The following TMEM217 variants were observed in gnomAD, a reference collection of about 807,000 sequenced individuals.
TMEM217 encodes chromosome 6 open reading frame 128.
For missense variants in TMEM217, 204 were observed against 248.8 expected (o/e 0.82, Z 1.21); for synonymous variants, 76 against 88.3 (o/e 0.86, Z 0.78).
downstream of TMEM217, among the ~76,000 whole-genome samples, chr6:37,216,609 G>GGCA: frequency 6.6e-6 from 1 of 152,174 alleles, no homozygotes; most frequent in Non-Finnish European, 1.5e-5. Context: ...GGAGCACAGA[G>GGCA]GCAGGAGAGC....
chr6:37,214,116 C>T (rs187698021), downstream of TMEM217, among the ~76,000 whole-genome samples: 1 of 152,352 alleles, frequency 6.6e-6, no homozygotes, highest in East Asian at 1.9e-4. Flanking sequence ...GTAAAATATA[C>T]AGAATGTAAA....
chr6:37,255,930 A>T (rs1042203732), intron 1 of TMEM217, among the ~76,000 whole-genome samples: 13 of 152,230 alleles, frequency 8.5e-5, no homozygotes, highest in African/African-American at 2.9e-4. Flanking sequence ...ATAGAAAACA[A>T]ACTGTAGAAA....
chr6:37,250,702 C>T (rs905328720), intron 1 of TMEM217, among the ~76,000 whole-genome samples: 11 of 152,338 alleles, frequency 7.2e-5, no homozygotes, highest in African/African-American at 1.4e-4. Flanking sequence ...TGCGTGTGCA[C>T]GCACACACAC....
chr6:37,212,517 G>C, exon 4 of TMEM217: 1 of 457,544 alleles, frequency 2.2e-6, no homozygotes, highest in Non-Finnish European at 4.4e-6. Flanking sequence ...CCACAGTCTG[G>C]GATTCCTTGT....
chr6:37,238,855 G>A (rs1387486216), intron 1 of TMEM217, among the ~76,000 whole-genome samples: 2 of 152,246 alleles, frequency 1.3e-5, no homozygotes, highest in East Asian at 1.9e-4. Context: ...TCTAGGCTGG[G>A]CATGGTGGCT....
At chr6:37,233,519 T>C (rs927810071) in intron 1 of TMEM217, among the ~76,000 whole-genome samples, 2 of 152,348 alleles carry the variant, frequency 1.3e-5, no homozygotes, top group South Asian at 2.1e-4. Flanking sequence ...GGCAGCTCTC[T>C]GAATCCTCTT....
At chr6:37,237,679 G>A (rs1187429258) in intron 1 of TMEM217, among the ~76,000 whole-genome samples, 1 of 152,052 alleles carries the variant, frequency 6.6e-6, no homozygotes, top group Non-Finnish European at 1.5e-5. Context: ...TTGCACAATG[G>A]GAGTGTTAAA....
chr6:37,237,481 C>T (rs1431687368), intron 1 of TMEM217, among the ~76,000 whole-genome samples: 1 of 152,176 alleles, frequency 6.6e-6, no homozygotes, highest in Non-Finnish European at 1.5e-5. Flanking sequence ...GAAATTATTG[C>T]AAGTCTTGCA....
At chr6:37,231,739 T>A (rs1410644436) in intron 1 of TMEM217, among the ~76,000 whole-genome samples, 5 of 147,534 alleles carry the variant, frequency 3.4e-5, no homozygotes, top group African/African-American at 9.8e-5. Context: ...TATATATATA[T>A]TATATATATT....
chr6:37,250,799 T>C (rs1765358467), intron 1 of TMEM217, among the ~76,000 whole-genome samples: 1 of 152,282 alleles, frequency 6.6e-6, no homozygotes, highest in Non-Finnish European at 1.5e-5. Context: ...TCTGATCTTT[T>C]CTATTTCTGT....
chr6:37,236,965 G>A (rs1764539675), intron 1 of TMEM217, among the ~76,000 whole-genome samples: 1 of 152,068 alleles, frequency 6.6e-6, no homozygotes, highest in Admixed American at 6.6e-5. Context: ...TCTCTGTGTG[G>A]GCTCCTTTGG....
intron 1 of TMEM217, among the ~76,000 whole-genome samples, chr6:37,235,651 C>G (rs1764462055): frequency 6.6e-6 from 1 of 152,192 alleles, no homozygotes; most frequent in Admixed American, 6.5e-5. Flanking sequence ...CAGGCGTGAG[C>G]CACCACGCCT....
exon 1 of TMEM217, chr6:37,257,640 C>T (rs1036271713): frequency 2.2e-6 from 1 of 459,298 alleles, no homozygotes; most frequent in Non-Finnish European, 3.9e-6. Context: ...CCTTCCCCGT[C>T]CACCTGTGTG....
chr6:37,252,537 C>T (rs1271177400), intron 1 of TMEM217, among the ~76,000 whole-genome samples: 1 of 149,562 alleles, frequency 6.7e-6, no homozygotes, highest in Non-Finnish European at 1.5e-5. Context: ...TATATGTCAA[C>T]ATGTATATGT....
chr6:37,213,063 G>T, downstream of TMEM217: 1 of 1,049,806 alleles, frequency 9.5e-7, no homozygotes, highest in Non-Finnish European at 1.4e-6. Flanking sequence ...AATCCCCCAA[G>T]TCACTAGATA....
chr6:37,231,678 A>G (rs1319793151), intron 1 of TMEM217, among the ~76,000 whole-genome samples: 5 of 148,260 alleles, frequency 3.4e-5, no homozygotes, highest in South Asian at 2.1e-4. Context: ...TCTCAAAAAA[A>G]AAAAAAAAAA....
intron 1 of TMEM217, among the ~76,000 whole-genome samples, chr6:37,236,036 TC>T (rs1764484507): frequency 6.6e-6 from 1 of 152,254 alleles, no homozygotes; most frequent in East Asian, 1.9e-4. Flanking sequence ...AAATAAAAAA[TC>T]ATTACCATAA....
At chr6:37,233,774 CGA>C (rs1764338350) in intron 1 of TMEM217, among the ~76,000 whole-genome samples, 1 of 152,106 alleles carries the variant, frequency 6.6e-6, no homozygotes, top group Non-Finnish European at 1.5e-5. Flanking sequence ...CGCTAACTAA[CGA>C]AGTTACTAAC....
intron 1 of TMEM217, among the ~76,000 whole-genome samples, chr6:37,246,395 A>T (rs750078836): frequency 1.3e-5 from 2 of 152,172 alleles, no homozygotes; most frequent in Non-Finnish European, 2.9e-5. Context: ...TAGTGCAGGC[A>T]TGGGAGTGGA....
Sources: gnomAD v4.1 joint callset for allele counts (sites outside exome capture counted in the v4.1 genomes callset) on GRCh38, gnomAD v4.1.1 for gene constraint, MANE v1.5 for transcripts, NCBI Gene and HGNC (gene_info 2026-07-23, HGNC 2026-07-21) for gene names.